ANKRD11: variants seen among roughly 807,000 people sequenced by gnomAD.
The protein encoded by ANKRD11 is ankyrin repeat domain-containing protein 11.
Under a neutral mutation model 195.7 loss-of-function variants are expected in ANKRD11, and 17 were observed. That is an observed-to-expected ratio of 0.09 (90% CI 0.06 to 0.13). The LOEUF is 0.13. Ranked by LOEUF, ANKRD11 falls within the 10% of genes least tolerant of loss-of-function variation. The pLI is 1.00. For synonymous variants in ANKRD11, 1,953 were observed against 1,528.1 expected (o/e 1.28, Z -6.49); for missense variants, 3,735 against 3,566.1 (o/e 1.05, Z -1.21).
intron 1 of ANKRD11, among the ~76,000 whole-genome samples, chr16:89,467,069 C>A (rs1034183974): frequency 6.6e-6 from 1 of 152,172 alleles, no homozygotes; most frequent in African/African-American, 2.4e-5. Flanking sequence ...GAACTCTGTG[C>A]CAGGAGTGAG....
At chr16:89,357,372 G>C (rs188587564) in intron 2 of ANKRD11, among the ~76,000 whole-genome samples, 1 of 152,206 alleles carries the variant, frequency 6.6e-6, no homozygotes, top group Non-Finnish European at 1.5e-5. Context: ...GGGAACCAGG[G>C]GGCAGGTGAG....
intron 3 of ANKRD11, among the ~76,000 whole-genome samples, chr16:89,316,571 C>T (rs962032077): frequency 2.0e-5 from 3 of 152,226 alleles, no homozygotes; most frequent in Non-Finnish European, 2.9e-5. Flanking sequence ...TTGGAAGTAA[C>T]GTGGCCCAGC....
chr16:89,314,068 A>C (rs555373032), intron 3 of ANKRD11, among the ~76,000 whole-genome samples: 229 of 152,272 alleles, frequency 1.5e-3, no homozygotes, highest in Non-Finnish European at 2.9e-3. Flanking sequence ...TACAAAAGAT[A>C]CAAAAATGAG....
intron 2 of ANKRD11, among the ~76,000 whole-genome samples, chr16:89,335,743 C>G (rs1014635271): frequency 6.6e-6 from 1 of 152,224 alleles, no homozygotes; most frequent in Non-Finnish European, 1.5e-5. Flanking sequence ...CATCACTGAC[C>G]GTGACAGGCC....
chr16:89,406,262 C>T (rs1011808728), intron 2 of ANKRD11, among the ~76,000 whole-genome samples: 3 of 152,184 alleles, frequency 2.0e-5, no homozygotes, highest in African/African-American at 7.2e-5. Flanking sequence ...CCCACACGTG[C>T]TGGTCTCCAG....
intron 2 of ANKRD11, chr16:89,340,011 C>T (rs913100652): frequency 2.0e-5 from 3 of 152,230 alleles, no homozygotes; most frequent in African/African-American, 7.2e-5. Flanking sequence ...CTTATGACAA[C>T]TGCAGTGTGC....
At position 89,283,837 on chromosome 16, in the gene ANKRD11, T is replaced by C. The variant is rs1390581742; in HGVS notation, c.2705A>G (p.Glu902Gly). 1 of 1,614,140 alleles carries C rather than the reference T, an allele frequency of 6.2e-7. No homozygotes were observed. The highest frequency in any genetic ancestry group is 1.7e-5 in the Admixed American group (1 of 60,026). The change falls in exon 9 of 13, where the codon GAG (glutamate) becomes GGG (glycine). Residue 902 changes from glutamate (E) to glycine (G), a missense_variant. Glu to Gly is a moderately conservative substitution (Grantham distance 98). Coordinates refer to ENST00000301030, the MANE Select transcript of ANKRD11 (RefSeq NM_013275.6). This position sits in a 1 kb window ranked among gnomAD's most constrained non-coding sequence, Gnocchi z 4.3. The stretch of plus-strand genomic sequence containing the variant: ...CCTGTCCTTCTTTCGGAAGAAGGGC[T>C]CTCTGTAGTCTCGCTTCTCCCGGGC... The part of the protein sequence containing the change: ...SRAREKRDYR[E>G]PFFRKKDRDY...
At chr16:89,286,518 C>G in intron 7 of ANKRD11, 5 of 549,962 alleles carry the variant, frequency 9.1e-6, no homozygotes, top group South Asian at 8.0e-5. Flanking sequence ...GGAATCTTCT[C>G]ACGAAGGCTC....
intron 2 of ANKRD11, among the ~76,000 whole-genome samples, chr16:89,393,507 T>C (rs1287278130): frequency 1.3e-5 from 2 of 148,710 alleles, no homozygotes; most frequent in Non-Finnish European, 3.0e-5. Context: ...TTTTTTTTTT[T>C]TGTATTTTTA....
chr16:89,281,199 C>A lies in ANKRD11; in HGVS notation c.5343G>T (p.Arg1781Ser), dbSNP rs939808667. The change falls in exon 9 of 13, where the codon AGG (arginine) becomes AGT (serine). Residue 1781 changes from arginine to serine, a missense_variant. Arg to Ser is a moderately radical substitution (Grantham distance 110). Transcript: ENST00000301030. The surrounding 1 kb of genome is among the most constrained non-coding windows in gnomAD (Gnocchi z 5.5). ...AGCGGTAAAGGTTTGTGGAGAGAGG[C>A]CTGGCAGGAGCCTGGCTGGCGTTTT... ...LSENASQAPA[R>S]PLSTNLYRSV... The A allele has an allele frequency of 1.9e-6, 3 of 1,614,066 alleles. No homozygotes were observed. The African/African-American group carries it at 4.0e-5, about 22-fold the overall frequency.
chr16:89,397,779 C>T (rs1291969503), intron 2 of ANKRD11, among the ~76,000 whole-genome samples: 1 of 152,206 alleles, frequency 6.6e-6, no homozygotes, highest in Non-Finnish European at 1.5e-5. Context: ...AGGCAAGGGA[C>T]TGGAGTGGAG....
At chr16:89,339,417 C>G (rs1471480703) in intron 2 of ANKRD11, among the ~76,000 whole-genome samples, 1 of 152,192 alleles carries the variant, frequency 6.6e-6, no homozygotes, top group Non-Finnish European at 1.5e-5. Context: ...TGGTCGGTAG[C>G]ATCACACAGG....
chr16:89,384,874 G>GTTTTTTTTTTTTTTTTT (rs1257714722), intron 2 of ANKRD11, among the ~76,000 whole-genome samples: 4 of 72,748 alleles, frequency 5.5e-5, no homozygotes, highest in Admixed American at 1.7e-4. Flanking sequence ...ATGAGAAATA[G>GTTTTTTTTTTTTTTTTT]TTTTCTTTTT....
chr16:89,392,172 T>C (rs2041228469), intron 2 of ANKRD11, among the ~76,000 whole-genome samples: 2 of 152,242 alleles, frequency 1.3e-5, no homozygotes, highest in African/African-American at 4.8e-5. Flanking sequence ...CGTCAGGTTA[T>C]AAATGACCCT....
At chr16:89,411,388 C>G (rs138913237) in intron 2 of ANKRD11, among the ~76,000 whole-genome samples, 19 of 152,362 alleles carry the variant, frequency 1.2e-4, no homozygotes, top group African/African-American at 3.8e-4. Context: ...CCAGACGCTA[C>G]ACATCTTGCT....
intron 2 of ANKRD11, among the ~76,000 whole-genome samples, chr16:89,332,837 C>G (rs2038137346): frequency 6.6e-6 from 1 of 152,218 alleles, no homozygotes; most frequent in Non-Finnish European, 1.5e-5. Flanking sequence ...TTAGAAACGT[C>G]CATTTCTTTC....
chr16:89,348,349 G>C (rs2039042905), intron 2 of ANKRD11, among the ~76,000 whole-genome samples: 1 of 152,154 alleles, frequency 6.6e-6, no homozygotes, highest in African/African-American at 2.4e-5. Flanking sequence ...GAACTTCTGA[G>C]ATAAACCCCG....
At chr16:89,340,030 T>C (rs1194348286) in intron 2 of ANKRD11, 1 of 152,252 alleles carries the variant, frequency 6.6e-6, no homozygotes, top group Non-Finnish European at 1.5e-5. Context: ...GCGCTCCTCG[T>C]TGTCTGAAAA....
chr16:89,278,577 C>CA, intron 9 of ANKRD11: 1 of 457,322 alleles, frequency 2.2e-6, no homozygotes. Flanking sequence ...CAAGCTGCCC[C>CA]AAGGGAGCTG....
Sources: allele counts gnomAD v4.1 joint callset (sites outside exome capture counted in the v4.1 genomes callset), GRCh38; gene constraint gnomAD v4.1.1; non-coding constraint Gnocchi (gnomAD v3.1); transcripts MANE v1.5; gene names NCBI Gene and HGNC (gene_info 2026-07-23, HGNC 2026-07-21).